The following CTNNA3 variants were observed in gnomAD, a reference collection of about 807,000 sequenced individuals.
The protein encoded by CTNNA3 is catenin alpha 3.
In CTNNA3, 76 loss-of-function variants were observed where a neutral mutation model predicts 95.7. The ratio of observed to expected loss-of-function variants is 0.79; its 90% CI spans 0.66 to 0.96. The LOEUF (loss-of-function observed/expected upper bound fraction) is 0.96, where lower values mean the gene tolerates loss of function less well. Among genes scored for constraint, CTNNA3 ranks in the 40% least tolerant of loss-of-function variants. The pLI is 0.00. For synonymous variants in CTNNA3, 431 were observed against 374.4 expected (o/e 1.15, Z -1.74); for missense variants, 1,191 against 1,089.8 (o/e 1.09, Z -1.31).
chr10:66,770,374 G>C (rs556318463), intron 8 of CTNNA3, among the ~76,000 whole-genome samples: 1 of 152,204 alleles, frequency 6.6e-6, no homozygotes, highest in East Asian at 1.9e-4. Context: ...TATACAAAAA[G>C]TTTAAAGAAG....
At chr10:66,925,982 T>A (rs762155436) in intron 7 of CTNNA3, 1 of 456,724 alleles carries the variant, frequency 2.2e-6, no homozygotes, top group Non-Finnish European at 4.4e-6. Context: ...GCCCATAATG[T>A]TCTTCACCAC....
intron 7 of CTNNA3, among the ~76,000 whole-genome samples, chr10:67,036,702 C>T (rs1589641243): frequency 2.0e-5 from 3 of 152,076 alleles, no homozygotes; most frequent in Non-Finnish European, 2.9e-5. Flanking sequence ...GGATAAATAT[C>T]GAGGCTGTGC....
intron 2 of CTNNA3, among the ~76,000 whole-genome samples, chr10:67,630,016 C>G (rs531747649): frequency 1.1e-4 from 17 of 152,232 alleles, no homozygotes; most frequent in African/African-American, 3.9e-4. Context: ...ATAATCATCC[C>G]CCAGAGGCAG....
chr10:66,712,355 T>C (rs759030821), intron 9 of CTNNA3, among the ~76,000 whole-genome samples: 61 of 152,230 alleles, frequency 4.0e-4, no homozygotes, highest in Admixed American at 9.2e-4. Context: ...AGGAATTAAA[T>C]GATAGGCAAA....
At position 66,201,352 on chromosome 10, in the gene CTNNA3, C is replaced by T. The variant is rs150849453; in HGVS notation, c.1884+79118G>A. Among the ~76,000 whole-genome samples the T allele has an allele frequency of 1.8e-3, 278 of 152,194 alleles. 1 individual carries two copies. The highest frequency in any genetic ancestry group is 6.1e-3 in the African/African-American group (254 of 41,516). On this transcript the variant is annotated intron_variant, in intron 13 of 17. Coordinates refer to ENST00000433211, the MANE Select transcript of CTNNA3 (RefSeq NM_013266.4). ...CCTGAATCTTTCCTACCACCTTTTT[C>T]GGTTGGTGTTAATGTTACTGGCAAA...
chr10:66,815,390 C>G (rs1458058626), intron 7 of CTNNA3, among the ~76,000 whole-genome samples: 1 of 152,136 alleles, frequency 6.6e-6, no homozygotes, highest in Non-Finnish European at 1.5e-5. Flanking sequence ...GAATCAGTAG[C>G]CTGGCAGCCA....
chr10:66,563,566 A>T (rs1373736295), intron 10 of CTNNA3, among the ~76,000 whole-genome samples: 2 of 152,108 alleles, frequency 1.3e-5, no homozygotes, highest in Non-Finnish European at 2.9e-5. Context: ...GGCCCCCAAA[A>T]TCACTAAACC....
chr10:67,316,378 T>TTA (rs1307039653), intron 5 of CTNNA3, among the ~76,000 whole-genome samples: 3 of 152,214 alleles, frequency 2.0e-5, no homozygotes, highest in African/African-American at 7.2e-5. Context: ...TCACATCATT[T>TTA]TATAACAAAA....
chr10:67,297,308 C>A (rs1840080671), intron 5 of CTNNA3, among the ~76,000 whole-genome samples: 1 of 152,182 alleles, frequency 6.6e-6, no homozygotes. Flanking sequence ...CAAATATTTT[C>A]TTTCCAACTC....
chr10:67,596,797 T>C (rs1170083337), intron 3 of CTNNA3, among the ~76,000 whole-genome samples: 3 of 152,224 alleles, frequency 2.0e-5, no homozygotes, highest in Admixed American at 1.3e-4. Context: ...ATTTCCTGTA[T>C]CTGAATGTCA....
At chr10:67,138,332 C>T (rs574519491) in intron 7 of CTNNA3, among the ~76,000 whole-genome samples, 1 of 152,300 alleles carries the variant, frequency 6.6e-6, no homozygotes, top group East Asian at 1.9e-4. Context: ...CAGAAATAAA[C>T]TTTCCCAGGA....
At chr10:66,169,129 G>C (rs1260504505) in intron 13 of CTNNA3, among the ~76,000 whole-genome samples, 1 of 152,088 alleles carries the variant, frequency 6.6e-6, no homozygotes, top group Non-Finnish European at 1.5e-5. Context: ...CCCATCACCT[G>C]AACAGTACAA....
At chr10:67,107,557 T>C (rs185288516) in intron 7 of CTNNA3, among the ~76,000 whole-genome samples, 3 of 152,376 alleles carry the variant, frequency 2.0e-5, no homozygotes, top group South Asian at 2.1e-4. Flanking sequence ...TTTAGATTGA[T>C]TGACTTTTTC....
At chr10:67,606,498 C>T (rs1035361723) in intron 3 of CTNNA3, among the ~76,000 whole-genome samples, 7 of 152,192 alleles carry the variant, frequency 4.6e-5, no homozygotes, top group Admixed American at 2.0e-4. Flanking sequence ...TTTCAAGGAA[C>T]TTCATAATTT....
At chr10:67,291,694 G>A (rs1482894096) in intron 5 of CTNNA3, among the ~76,000 whole-genome samples, 5 of 152,022 alleles carry the variant, frequency 3.3e-5, no homozygotes, top group South Asian at 2.1e-4. Context: ...AGGCCACACC[G>A]CCACTCACAC....
intron 14 of CTNNA3, among the ~76,000 whole-genome samples, chr10:66,086,994 T>G (rs1403152096): frequency 6.6e-6 from 1 of 152,042 alleles, no homozygotes; most frequent in Middle Eastern, 3.2e-3. Context: ...AGATGGAAAT[T>G]TGCATAGATA....
At chr10:67,699,644 C>T (rs1841018318), upstream of CTNNA3, among the ~76,000 whole-genome samples, 1 of 152,190 alleles carries the variant, frequency 6.6e-6, no homozygotes, top group Non-Finnish European at 1.5e-5. Flanking sequence ...AAGGTGGAGC[C>T]AAGATGGCTG....
intron 13 of CTNNA3, among the ~76,000 whole-genome samples, chr10:66,243,471 C>G (rs937245057): frequency 6.6e-6 from 1 of 152,170 alleles, no homozygotes; most frequent in Admixed American, 6.5e-5. Flanking sequence ...TTATCTTAAC[C>G]CAGACATTCC....
intron 16 of CTNNA3, among the ~76,000 whole-genome samples, chr10:65,977,004 A>T (rs1027646332): frequency 6.6e-6 from 1 of 152,168 alleles, no homozygotes; most frequent in African/African-American, 2.4e-5. Context: ...TTAAATTTAA[A>T]AACATCGAAC....
Sources: gnomAD v4.1 joint callset for allele counts (sites outside exome capture counted in the v4.1 genomes callset) on GRCh38, gnomAD v4.1.1 for gene constraint, MANE v1.5 for transcripts, NCBI Gene and HGNC (gene_info 2026-07-23, HGNC 2026-07-21) for gene names.